CDH18: variants seen among roughly 807,000 people sequenced by gnomAD.
The protein encoded by CDH18 is cadherin-18.
CDH18 carries 31 observed loss-of-function variants against 67.9 expected under a neutral mutation model. The observed-to-expected ratio is 0.46, with a 90% CI of 0.34 to 0.62. The LOEUF (loss-of-function observed/expected upper bound fraction) is 0.62. CDH18 is among the 20% of genes least tolerant of loss of function. The pLI is 0.01. For synonymous variants in CDH18, 362 were observed against 347.2 expected, an observed-to-expected ratio of 1.04 and a Z score of -0.48; for missense variants, 890 against 975.5, an observed-to-expected ratio of 0.91 and a Z score of 1.17.
chr5:20,203,796 A>C (rs1259256812), intron 2 of CDH18, among the ~76,000 whole-genome samples: 3 of 152,118 alleles, frequency 2.0e-5, no homozygotes, highest in Non-Finnish European at 4.4e-5. Flanking sequence ...GACCCTAATA[A>C]GATGGCAATA....
At chr5:19,620,080 A>T (rs1024861506) in intron 5 of CDH18, among the ~76,000 whole-genome samples, 1 of 152,196 alleles carries the variant, frequency 6.6e-6, no homozygotes, top group African/African-American at 2.4e-5. Flanking sequence ...GCAAGCTATG[A>T]CTCATGGAAT....
intron 2 of CDH18, among the ~76,000 whole-genome samples, chr5:19,925,513 CAG>C (rs1243241662): frequency 6.6e-6 from 1 of 151,936 alleles, no homozygotes; most frequent in Non-Finnish European, 1.5e-5. Context: ...CTTTTTGAGA[CAG>C]AGTCTTGCTG....
chr5:20,498,813 C>T (rs1041492459), intron 1 of CDH18, among the ~76,000 whole-genome samples: 1 of 151,658 alleles, frequency 6.6e-6, no homozygotes, highest in African/African-American at 2.4e-5. Context: ...ATTACAAATG[C>T]TACAATAAGA....
At chr5:19,825,754 A>G (rs763700620) in intron 3 of CDH18, among the ~76,000 whole-genome samples, 4 of 152,152 alleles carry the variant, frequency 2.6e-5, no homozygotes, top group Admixed American at 1.3e-4. Flanking sequence ...AACTTCAAAG[A>G]TTGAAAGAAT....
At chr5:20,236,734 C>T (rs932914265) in intron 2 of CDH18, among the ~76,000 whole-genome samples, 18 of 152,090 alleles carry the variant, frequency 1.2e-4, no homozygotes, top group Admixed American at 7.2e-4. Flanking sequence ...ACAGGTTTCA[C>T]GAGTTAATTC....
At chr5:19,886,068 T>G (rs752713942) in intron 2 of CDH18, 3 of 152,140 alleles carry the variant, frequency 2.0e-5, no homozygotes, top group Non-Finnish European at 4.4e-5. Flanking sequence ...GGTTTCTTCT[T>G]AAAGCAAAAA....
intron 2 of CDH18, among the ~76,000 whole-genome samples, chr5:20,242,636 A>ATATATATTTG: frequency 1.7e-5 from 1 of 58,402 alleles, no homozygotes; most frequent in African/African-American, 9.2e-5. Flanking sequence ...ATATATATGT[A>ATATATATTTG]TATATATATA....
At chr5:19,615,769 T>C (rs544450171) in intron 5 of CDH18, among the ~76,000 whole-genome samples, 31 of 152,324 alleles carry the variant, frequency 2.0e-4, no homozygotes, top group African/African-American at 6.3e-4. Flanking sequence ...TCAAATGTTA[T>C]GCAATTGGAA....
chr5:20,449,581 T>G (rs1750272532), intron 1 of CDH18, among the ~76,000 whole-genome samples: 1 of 152,018 alleles, frequency 6.6e-6, no homozygotes, highest in Non-Finnish European at 1.5e-5. Context: ...TCGTATTGTA[T>G]CATTAAGAGA....
At chr5:20,375,446 G>A (rs1010326361) in intron 1 of CDH18, among the ~76,000 whole-genome samples, 2 of 152,110 alleles carry the variant, frequency 1.3e-5, no homozygotes, top group African/African-American at 4.8e-5. Flanking sequence ...CAAGTATCAC[G>A]TAGAAAGTGG....
At chr5:20,044,174 T>TA (rs66616939) in intron 2 of CDH18, among the ~76,000 whole-genome samples, 8 of 150,856 alleles carry the variant, frequency 5.3e-5, no homozygotes, top group African/African-American at 1.7e-4. Flanking sequence ...ATTTAACTGT[T>TA]AAAAAAAAAA....
At chr5:20,268,534 G>A (rs1745211708) in intron 1 of CDH18, among the ~76,000 whole-genome samples, 1 of 152,104 alleles carries the variant, frequency 6.6e-6, no homozygotes, top group African/African-American at 2.4e-5. Flanking sequence ...CCAGGAATTT[G>A]AGACCAGCCT....
intron 2 of CDH18, among the ~76,000 whole-genome samples, chr5:20,103,812 G>GA (rs11446807): frequency 0.62 from 91,867 of 147,680 alleles, 30,033 homozygotes; most frequent in African/African-American, 0.84. Context: ...GAAACCAAAA[G>GA]AAAAAAAAAA....
chr5:20,467,843 G>A (rs1048729197), intron 1 of CDH18, among the ~76,000 whole-genome samples: 3 of 152,098 alleles, frequency 2.0e-5, no homozygotes, highest in African/African-American at 7.2e-5. Flanking sequence ...GCAAGGCGGT[G>A]ATGGCTGAAA....
chr5:20,507,757 G>C (rs1312441424), intron 1 of CDH18, among the ~76,000 whole-genome samples: 2 of 151,992 alleles, frequency 1.3e-5, no homozygotes, highest in African/African-American at 4.8e-5. Context: ...TATTCTAAAA[G>C]GAAAGATAGA....
At chr5:19,951,132 G>A (rs1795746895) in intron 2 of CDH18, among the ~76,000 whole-genome samples, 1 of 152,066 alleles carries the variant, frequency 6.6e-6, no homozygotes, top group Non-Finnish European at 1.5e-5. Flanking sequence ...GCACAGATTT[G>A]GGAAGAAATC....
chr5:19,987,388 T>C (rs949174135), intron 1 of CDH18, among the ~76,000 whole-genome samples: 5 of 151,856 alleles, frequency 3.3e-5, no homozygotes, highest in Non-Finnish European at 5.9e-5. Context: ...AAGAAATGAA[T>C]GAGAGTTAAC....
upstream of CDH18, among the ~76,000 whole-genome samples, chr5:19,990,248 A>G (rs1436789352): frequency 1.3e-5 from 2 of 152,216 alleles, no homozygotes; most frequent in African/African-American, 4.8e-5. Flanking sequence ...TCACGTTATG[A>G]CATTCTCTAG....
chr5:19,722,966 C>T (rs1414838632), intron 4 of CDH18, among the ~76,000 whole-genome samples: 1 of 152,130 alleles, frequency 6.6e-6, no homozygotes, highest in Admixed American at 6.5e-5. Flanking sequence ...CATGGTGGCT[C>T]ATGCCTGTAA....
Sources: allele counts gnomAD v4.1 joint callset (sites outside exome capture counted in the v4.1 genomes callset), GRCh38; gene constraint gnomAD v4.1.1; transcripts MANE v1.5; gene names NCBI Gene and HGNC (gene_info 2026-07-23, HGNC 2026-07-21).